AUTS2: variants seen among roughly 807,000 people sequenced by gnomAD.
AUTS2 encodes the protein activator of transcription and developmental regulator AUTS2, also known as autism susceptibility gene 2 protein.
In AUTS2, 17 loss-of-function variants were observed where a neutral mutation model predicts 112.4. The observed-to-expected ratio is 0.15, with a 90% confidence interval of 0.10 to 0.23. The LOEUF is 0.23. AUTS2 is among the 10% of genes least tolerant of loss of function. The pLI, the probability that AUTS2 is intolerant of heterozygous loss-of-function variation, is 1.00. For missense variants in AUTS2, 1,510 were observed against 1,701.6 expected (o/e 0.89, Z 1.98); for synonymous variants, 751 against 702.7 (o/e 1.07, Z -1.09).
At chr7:70,170,622 G>T (rs1808628298) in intron 4 of AUTS2, among the ~76,000 whole-genome samples, 2 of 129,772 alleles carry the variant, frequency 1.5e-5, no homozygotes, top group African/African-American at 3.0e-5. Flanking sequence ...TTGAGATGAA[G>T]TCTTGCTCTT....
At chr7:69,972,700 T>C (rs1003147907) in intron 2 of AUTS2, among the ~76,000 whole-genome samples, 2 of 151,558 alleles carry the variant, frequency 1.3e-5, no homozygotes, top group East Asian at 1.9e-4. Context: ...TGTGTGTGTG[T>C]GCACGTTCCT....
intron 2 of AUTS2, among the ~76,000 whole-genome samples, chr7:70,009,217 G>A (rs778336930): frequency 3.3e-5 from 5 of 152,064 alleles, no homozygotes; most frequent in Non-Finnish European, 5.9e-5. Context: ...ACCCACTCTC[G>A]CAATAACCAA....
intron 4 of AUTS2, among the ~76,000 whole-genome samples, chr7:70,307,385 TA>T (rs1386884988): frequency 6.6e-6 from 1 of 152,216 alleles, no homozygotes; most frequent in Non-Finnish European, 1.5e-5. Context: ...CCTTTCAGAC[TA>T]GGGGTGGCAA....
rs1279622458 is a variant in AUTS2 at position 70,762,994 on chromosome 7, C to A, written c.867C>A (p.Ile289=). ...GCCAGGACTGTTGCAAAGAGCCAAT[C>A]TTTGAGCCTGTGGTGCTTAAAGACC... The part of the protein sequence containing the change: ...EKSQDCCKEP[I]FEPVVLKDPC... Residue 289 remains isoleucine, a synonymous_variant, in exon 7 of 19, where the codon ATC becomes ATA. Transcript: ENST00000342771. 1 of 1,614,152 alleles carries A rather than the reference C, an allele frequency of 6.2e-7. No homozygotes were observed. Among genetic ancestry groups the A allele is most frequent in the South Asian group, 1.1e-5 (1 of 91,078 alleles).
At chr7:70,664,421 T>C (rs1807227170) in intron 5 of AUTS2, among the ~76,000 whole-genome samples, 1 of 152,228 alleles carries the variant, frequency 6.6e-6, no homozygotes, top group Non-Finnish European at 1.5e-5. Context: ...TCTCTCCTCT[T>C]TTAGTTCCCT....
At chr7:70,096,642 G>A (rs1041659290) in intron 2 of AUTS2, among the ~76,000 whole-genome samples, 4 of 149,624 alleles carry the variant, frequency 2.7e-5, no homozygotes, top group African/African-American at 9.8e-5. Flanking sequence ...AGAAAATACT[G>A]TGTAAAGGAC....
chr7:70,015,879 T>C (rs984497739), intron 2 of AUTS2, among the ~76,000 whole-genome samples: 12 of 151,960 alleles, frequency 7.9e-5, no homozygotes, highest in African/African-American at 2.9e-4. Context: ...CCTGTGCTTA[T>C]GCTTGTGCCT....
chr7:70,524,426 C>G (rs1258977067), intron 5 of AUTS2, among the ~76,000 whole-genome samples: 1 of 152,162 alleles, frequency 6.6e-6, no homozygotes, highest in South Asian at 2.1e-4. Context: ...AATCCAGGGG[C>G]CTCATCCACA....
chr7:70,369,644 C>G (rs1028252136), intron 4 of AUTS2, among the ~76,000 whole-genome samples: 5 of 152,188 alleles, frequency 3.3e-5, no homozygotes, highest in Admixed American at 2.6e-4. Flanking sequence ...TCAGGTTGAA[C>G]TGACAGGTTG....
chr7:70,326,048 C>T (rs1346135353), intron 4 of AUTS2, among the ~76,000 whole-genome samples: 3 of 152,170 alleles, frequency 2.0e-5, no homozygotes, highest in Non-Finnish European at 4.4e-5. Context: ...TGATGGGGAC[C>T]AGCCTCCAGG....
intron 4 of AUTS2, among the ~76,000 whole-genome samples, chr7:70,312,004 G>A (rs974262638): frequency 7.2e-5 from 11 of 152,068 alleles, no homozygotes; most frequent in Admixed American, 7.2e-4. Flanking sequence ...ATGAGCCACC[G>A]CGCCCGGCCA....
chr7:70,727,508 C>T, intron 6 of AUTS2, among the ~76,000 whole-genome samples: 1 of 152,230 alleles, frequency 6.6e-6, no homozygotes, highest in South Asian at 2.1e-4. Context: ...CATCACCACA[C>T]CCGGCTAATT....
At chr7:70,695,296 G>T (rs1270148429) in intron 5 of AUTS2, among the ~76,000 whole-genome samples, 1 of 152,214 alleles carries the variant, frequency 6.6e-6, no homozygotes, top group African/African-American at 2.4e-5. Context: ...GGAGCTGCGC[G>T]GTCGTGCCCG....
At chr7:70,443,561 C>T (rs191010138) in intron 5 of AUTS2, among the ~76,000 whole-genome samples, 4 of 152,276 alleles carry the variant, frequency 2.6e-5, no homozygotes, top group South Asian at 2.1e-4. Context: ...TCCATTCTTT[C>T]GTCTCTCTCA....
intron 5 of AUTS2, among the ~76,000 whole-genome samples, chr7:70,634,379 G>A (rs1217745826): frequency 6.6e-6 from 1 of 152,244 alleles, no homozygotes; most frequent in Non-Finnish European, 1.5e-5. Context: ...TATCCAGAAT[G>A]TCGAGTGTCC....
At chr7:70,272,595 G>A (rs1474440828) in intron 4 of AUTS2, among the ~76,000 whole-genome samples, 1 of 151,958 alleles carries the variant, frequency 6.6e-6, no homozygotes, top group Admixed American at 6.6e-5. Flanking sequence ...ATTACTCAGG[G>A]GTATTGGGTT....
chr7:70,746,954 T>A (rs1788491354), intron 6 of AUTS2, among the ~76,000 whole-genome samples: 1 of 152,194 alleles, frequency 6.6e-6, no homozygotes, highest in South Asian at 2.1e-4. Context: ...AATTTACCCA[T>A]GAACCACCAG....
intron 4 of AUTS2, among the ~76,000 whole-genome samples, chr7:70,355,134 G>A (rs1240622568): frequency 2.6e-5 from 4 of 151,274 alleles, no homozygotes; most frequent in East Asian, 1.9e-4. Context: ...GTATATATAC[G>A]GAGAGAGATT....
At chr7:70,100,146 G>GT (rs1449094986) in intron 2 of AUTS2, among the ~76,000 whole-genome samples, 1 of 152,124 alleles carries the variant, frequency 6.6e-6, no homozygotes, top group Non-Finnish European at 1.5e-5. Flanking sequence ...AAATAATGCT[G>GT]TATCTCTTAT....
Sources: allele counts gnomAD v4.1 joint callset (sites outside exome capture counted in the v4.1 genomes callset), GRCh38; gene constraint gnomAD v4.1.1; transcripts MANE v1.5; gene names NCBI Gene and HGNC (gene_info 2026-07-23, HGNC 2026-07-21).